Variants in SLC35D1 observed in about 807,000 individuals in gnomAD.
The protein encoded by SLC35D1 is nucleotide sugar transporter SLC35D1.
SLC35D1 carries 31 observed loss-of-function variants against 46.7 expected under a neutral mutation model. The observed-to-expected ratio is 0.66, with a 90% CI of 0.50 to 0.90. The LOEUF (loss-of-function observed/expected upper bound fraction) is 0.90, where lower values mean the gene tolerates loss of function less well. SLC35D1 is among the 40% of genes least tolerant of loss of function. The probability of loss-of-function intolerance (pLI) is 0.00; values close to 1 mark genes in which losing one functional copy is unlikely to be tolerated. For missense variants in SLC35D1, 397 were observed against 426.2 expected (o/e 0.93, Z 0.60); for synonymous variants, 195 against 164.6 (o/e 1.18, Z -1.41).
the SLC35D1 span, among the ~76,000 whole-genome samples, chr1:66,990,926 GCCTCTTC>G: frequency 6.6e-6 from 1 of 152,216 alleles, no homozygotes; most frequent in South Asian, 2.1e-4. Flanking sequence ...CAAGCACAGT[GCCTCTTC>G]CCTTACTCAC....
At chr1:67,022,498 C>T (rs762460129) in intron 8 of SLC35D1, among the ~76,000 whole-genome samples, 2 of 152,168 alleles carry the variant, frequency 1.3e-5, no homozygotes, top group Non-Finnish European at 2.9e-5. Context: ...CTCAAGGCTC[C>T]CTTGTGGGGC....
At chr1:67,033,433 AGAT>A (rs1668058349) in intron 8 of SLC35D1, among the ~76,000 whole-genome samples, 1 of 152,140 alleles carries the variant, frequency 6.6e-6, no homozygotes, top group African/African-American at 2.4e-5. Context: ...AACTAAGGTG[AGAT>A]GATATCTCAT....
chr1:66,975,951 C>A, the SLC35D1 span, among the ~76,000 whole-genome samples: 1 of 151,936 alleles, frequency 6.6e-6, no homozygotes, highest in African/African-American at 2.4e-5. Context: ...CTGTTTATAA[C>A]ATTTATTTTA....
intron 10 of SLC35D1, among the ~76,000 whole-genome samples, chr1:67,014,670 GTTTTTTTTTTT>G (rs34459732): frequency 2.0e-5 from 2 of 99,988 alleles, no homozygotes; most frequent in East Asian, 3.3e-4. Flanking sequence ...TCAATTTTTA[GTTTTTTTTTTT>G]TTTTTTTTTT....
At chr1:66,973,609 T>G in the SLC35D1 span, among the ~76,000 whole-genome samples, 1 of 152,042 alleles carries the variant, frequency 6.6e-6, no homozygotes, top group African/African-American at 2.4e-5. Flanking sequence ...ACTTACAGAT[T>G]TGTTTTGGGG....
chr1:66,976,627 A>G, the SLC35D1 span: 7 of 1,606,098 alleles, frequency 4.4e-6, no homozygotes, highest in Non-Finnish European at 5.1e-6. Flanking sequence ...AATGTGTAGC[A>G]TTCTATTACA....
chr1:67,042,992 GT>G (rs1285376209), intron 7 of SLC35D1, among the ~76,000 whole-genome samples: 1 of 152,194 alleles, frequency 6.6e-6, no homozygotes, highest in African/African-American at 2.4e-5. Flanking sequence ...GAGGTCAGCA[GT>G]TCAAGACCAG....
At chr1:66,979,857 C>T in the SLC35D1 span, among the ~76,000 whole-genome samples, 11 of 151,986 alleles carry the variant, frequency 7.2e-5, no homozygotes, top group Non-Finnish European at 7.4e-5. Context: ...CTCCACCGCC[C>T]GGGTTGAAGT....
intron 9 of SLC35D1, among the ~76,000 whole-genome samples, chr1:67,021,254 G>A (rs529865501): frequency 6.6e-6 from 1 of 152,312 alleles, no homozygotes; most frequent in East Asian, 1.9e-4. Flanking sequence ...CAAATGGTCA[G>A]TATAGAGATA....
At chr1:67,052,167 G>T in intron 3 of SLC35D1, 88 bp from the exon 4 acceptor site, 1 of 984,680 alleles carries the variant, frequency 1.0e-6, no homozygotes, top group South Asian at 1.4e-5. Flanking sequence ...TTGTTTATAT[G>T]ATCAAAATTT....
intron 11 of SLC35D1, among the ~76,000 whole-genome samples, chr1:67,008,877 G>A (rs1667505374): frequency 6.6e-6 from 1 of 151,900 alleles, no homozygotes; most frequent in Non-Finnish European, 1.5e-5. Context: ...CAAAGTGTTG[G>A]GATTATAGGT....
Position 67,053,929 on chromosome 1 carries a change from G to T in SLC35D1, c.85C>A (p.Leu29Met), listed in dbSNP as rs1303704515. 6.2e-7 allele frequency: 1 copy of T among 1,613,802 alleles called. No homozygotes were observed. Among genetic ancestry groups the T allele is most frequent in the Non-Finnish European group, 8.5e-7 (1 of 1,179,754 alleles). The change falls in exon 1 of 12, where the codon CTG becomes ATG. Residue 29 changes from leucine (L) to methionine (M), a missense_variant. Transcript: ENST00000235345. ...AGCGTTTCGGCCGACGCCATCCCCA[G>T]CTCCTCCTCATCTCGGAGTGTGGAG... ...KSSTLRDEEE[L>M]GMASAETLTV...
intron 10 of SLC35D1, among the ~76,000 whole-genome samples, chr1:67,014,348 G>A (rs945694534): frequency 6.6e-6 from 1 of 152,118 alleles, no homozygotes; most frequent in African/African-American, 2.4e-5. Context: ...GGCCATGTGA[G>A]GCAGATAAAC....
chr1:66,985,859 T>G, the SLC35D1 span: 1 of 853,620 alleles, frequency 1.2e-6, no homozygotes, highest in Non-Finnish European at 1.4e-6. Context: ...TAAGGGCAAG[T>G]AATTTGAGAA....
the SLC35D1 span, among the ~76,000 whole-genome samples, chr1:66,981,614 G>C: frequency 1.4e-4 from 22 of 152,252 alleles, no homozygotes; most frequent in African/African-American, 5.3e-4. Flanking sequence ...ACCAAAAGGA[G>C]CTTTTCATTT....
intron 10 of SLC35D1, among the ~76,000 whole-genome samples, chr1:67,013,363 A>G (rs1393838880): frequency 2.0e-5 from 3 of 151,306 alleles, no homozygotes; most frequent in Non-Finnish European, 2.9e-5. Flanking sequence ...CCTGGGCAAC[A>G]TGGCAAAACC....
At chr1:67,014,867 C>G (rs1403075754) in intron 10 of SLC35D1, among the ~76,000 whole-genome samples, 2 of 150,696 alleles carry the variant, frequency 1.3e-5, no homozygotes, top group Non-Finnish European at 3.0e-5. Context: ...GGGACAACAC[C>G]CAGGCCCTGT....
Position 67,009,175 on chromosome 1 carries a change from TA to T in SLC35D1, c.877-9del. 1 of 1,088,016 alleles carries T rather than the reference TA, an allele frequency of 9.2e-7. No individual in the cohort carries two copies. The allele number at this position is 1,088,016 out of a possible 1,614,324, so 67.4% of individuals were successfully genotyped here. On this transcript the variant is annotated splice_polypyrimidine_tract_variant and intron_variant, in intron 10 of 11. Transcript: ENST00000235345. The stretch of plus-strand genomic sequence containing the variant: ...ATAAGTTATTAATATATTCTAAAAA[TA>T]AAAATAGTAATATACTGTTATATAG...
the SLC35D1 span, among the ~76,000 whole-genome samples, chr1:66,977,938 C>T: frequency 1.3e-5 from 2 of 152,068 alleles, no homozygotes; most frequent in Non-Finnish European, 2.9e-5. Flanking sequence ...GTGGCTCACT[C>T]CTGTAATCCC....
Sources: gnomAD v4.1 joint callset for allele counts (sites outside exome capture counted in the v4.1 genomes callset) on GRCh38, gnomAD v4.1.1 for gene constraint, MANE v1.5 for transcripts, NCBI Gene and HGNC (gene_info 2026-07-23, HGNC 2026-07-21) for gene names.